PPP1R14D: variants seen among roughly 807,000 people sequenced by gnomAD.
PPP1R14D encodes protein phosphatase 1 regulatory subunit 14D.
A neutral mutation model predicts 17.1 loss-of-function variants in PPP1R14D; 14 were observed. The observed-to-expected ratio is 0.82, with a 90% CI of 0.54 to 1.28. The LOEUF (loss-of-function observed/expected upper bound fraction) is 1.28. PPP1R14D is among the 50% of genes most tolerant of loss of function. The pLI is 0.00. For synonymous variants in PPP1R14D, 67 were observed against 66.1 expected, an observed-to-expected ratio of 1.01 and a Z score of -0.06; for missense variants, 173 against 179.2, an observed-to-expected ratio of 0.97 and a Z score of 0.20.
intron 1 of PPP1R14D, among the ~76,000 whole-genome samples, chr15:40,820,573 C>T (rs1022602096): frequency 5.3e-5 from 8 of 151,934 alleles, no homozygotes; most frequent in African/African-American, 1.7e-4. Flanking sequence ...AAGAATCAGG[C>T]CAGGTACAGT....
rs1566844969 is a variant in PPP1R14D, at chr15:40,828,418, C to G, written c.224G>C (p.Trp75Ser). ...GAGCTCCTGAACTTGAGCATCCACCCATTGCTCCATCTCCAGCCAGCGCTG... is the reference window on the plus strand; with the variant it reads ...GAGCTCCTGAACTTGAGCATCCACCGATTGCTCCATCTCCAGCCAGCGCTG... Reference protein sequence around the residue: ...QLQRWLEMEQWVDAQVQELFQ... With the variant: ...QLQRWLEMEQSVDAQVQELFQ... Residue 75 changes from tryptophan to serine, a missense_variant, in exon 1 of 4, where the codon TGG (tryptophan) becomes TCG (serine). Coordinates refer to ENST00000299174, the MANE Select transcript of PPP1R14D (RefSeq NM_017726.8). 2.5e-6 allele frequency: 4 copies of G among 1,611,010 alleles called. No individual in the cohort carries two copies. Among genetic ancestry groups the G allele is most frequent in the Non-Finnish European group, 3.4e-6 (4 of 1,178,534 alleles).
At chr15:40,826,604 A>C (rs918100178) in intron 1 of PPP1R14D, among the ~76,000 whole-genome samples, 1 of 152,204 alleles carries the variant, frequency 6.6e-6, no homozygotes, top group Admixed American at 6.5e-5. Flanking sequence ...CCTGGTCCCA[A>C]GGTTTCCTAG....
At position 40,815,534 on chromosome 15, in the gene PPP1R14D, CAG is replaced by C; in HGVS notation, c.*160_*161del. The C allele has an allele frequency of 1.1e-6, 1 of 919,034 alleles. No individual in the cohort carries two copies. The highest frequency in any genetic ancestry group is 2.7e-5 in the East Asian group (1 of 36,372). 56.9% of individuals were successfully genotyped at this position (919,034 alleles called of 1,614,324 possible). On this transcript the variant is annotated 3_prime_UTR_variant, in exon 4 of 4. Coordinates refer to ENST00000299174, the MANE Select transcript of PPP1R14D (RefSeq NM_017726.8). ...GCTTTCTCCCAGAGAGCCCAGCTGA[CAG>C]AAACTAGCTGTGACCACACAGACAG...
chr15:40,816,205 C>T lies in PPP1R14D; in HGVS notation c.304G>A (p.Asp102Asn). 3 of 1,614,134 alleles carry T rather than the reference C, an allele frequency of 1.9e-6. No individual in the cohort carries two copies. Among genetic ancestry groups the T allele is most frequent in the Non-Finnish European group, 2.5e-6 (3 of 1,180,028 alleles). Residue 102 changes from aspartate (D) to asparagine (N), a missense_variant, in exon 2 of 4, where the codon GAT (aspartate) becomes AAT (asparagine). Asp to Asn is a conservative substitution (Grantham distance 23, BLOSUM62 1). Transcript: ENST00000299174. Reference protein sequence around the residue: ...EPEIDLEALMDLSTEEQKTQL... With the variant: ...EPEIDLEALMNLSTEEQKTQL... ...GTCTTCTGCTCCTCTGTGGATAGAT[C>T]CATGAGAGCTTCCAGGTCAATCTCA...
intron 1 of PPP1R14D, among the ~76,000 whole-genome samples, chr15:40,822,312 T>G (rs924959616): frequency 1.3e-5 from 2 of 151,202 alleles, no homozygotes; most frequent in Non-Finnish European, 2.9e-5. Flanking sequence ...TAGTGAGACC[T>G]TGCCTCTAAA....
At chr15:40,823,787 C>T (rs1186346689) in intron 1 of PPP1R14D, among the ~76,000 whole-genome samples, 3 of 151,970 alleles carry the variant, frequency 2.0e-5, no homozygotes, top group African/African-American at 7.3e-5. Context: ...AATTGCTTAA[C>T]AATGTAGCAT....
intron 1 of PPP1R14D, among the ~76,000 whole-genome samples, chr15:40,816,718 G>A (rs183247038): frequency 7.3e-5 from 11 of 151,042 alleles, no homozygotes; most frequent in East Asian, 2.0e-4. Flanking sequence ...AGACTTCGTC[G>A]CAAAAAAAAT....
intron 1 of PPP1R14D, chr15:40,817,352 CA>C (rs578000701): frequency 0.15 from 9,328 of 60,928 alleles, 415 homozygotes; most frequent in African/African-American, 0.32. Flanking sequence ...AAGACTCTGT[CA>C]AAAAAAAAAA....
intron 1 of PPP1R14D, among the ~76,000 whole-genome samples, chr15:40,820,040 ATTTT>A (rs1456041253): frequency 2.7e-5 from 4 of 147,166 alleles, no homozygotes; most frequent in Admixed American, 6.8e-5. Flanking sequence ...CTAATTTTGT[ATTTT>A]TAGTAGAGAT....
chr15:40,827,417 A>G (rs1401131065), intron 1 of PPP1R14D, among the ~76,000 whole-genome samples: 1 of 152,166 alleles, frequency 6.6e-6, no homozygotes, highest in Non-Finnish European at 1.5e-5. Context: ...CTGAGGCAGG[A>G]GAATCGCTTG....
intron 1 of PPP1R14D, among the ~76,000 whole-genome samples, chr15:40,823,789 ATGTAG>A (rs1366371208): frequency 2.4e-4 from 36 of 152,242 alleles, no homozygotes; most frequent in African/African-American, 7.9e-4. Flanking sequence ...TTGCTTAACA[ATGTAG>A]CATTTCACAG....
At position 40,828,401 on chromosome 15, in the gene PPP1R14D, G is replaced by A; in HGVS notation, c.241C>T (p.Gln81Ter). 1.2e-6 allele frequency: 2 copies of A among 1,603,914 alleles called. No individual in the cohort carries two copies. The highest frequency in any genetic ancestry group is 1.7e-5 in the Admixed American group (1 of 58,804). The stretch of plus-strand genomic sequence containing the variant: ...GTGCTACCTACCTGGAAGAGCTCCT[G>A]AACTTGAGCATCCACCCATTGCTCC... Reference protein sequence around the residue: ...EMEQWVDAQVQELFQDQATPS... With the variant: ...EMEQWVDAQV Residue 81 changes from glutamine (Q) to a stop codon, truncating the protein, a stop_gained, in exon 1 of 4, where the codon CAG (glutamine) becomes TAG (stop). Coordinates refer to ENST00000299174, the MANE Select transcript of PPP1R14D (RefSeq NM_017726.8). LOFTEE classifies it high-confidence loss of function.
At chr15:40,824,016 A>G (rs2141988796) in intron 1 of PPP1R14D, among the ~76,000 whole-genome samples, 1 of 149,714 alleles carries the variant, frequency 6.7e-6, no homozygotes, top group South Asian at 2.1e-4. Flanking sequence ...AAAAAAAAGG[A>G]CTACTACGGC....
At chr15:40,828,004 C>T (rs1478109730) in intron 1 of PPP1R14D, among the ~76,000 whole-genome samples, 1 of 151,996 alleles carries the variant, frequency 6.6e-6, no homozygotes, top group Non-Finnish European at 1.5e-5. Flanking sequence ...AATGTAGCTC[C>T]GGACATGTAT....
intron 1 of PPP1R14D, among the ~76,000 whole-genome samples, chr15:40,819,359 C>A (rs2081867992): frequency 6.6e-6 from 1 of 152,038 alleles, no homozygotes; most frequent in Non-Finnish European, 1.5e-5. Flanking sequence ...ACCAGCCTGG[C>A]CAACTTGGTG....
rs756381541 is a variant in PPP1R14D, at chr15:40,828,612, T to C, written c.30A>G (p.Thr10=). The change falls in exon 1 of 4, where the codon ACA becomes ACG. Residue 10 remains threonine (T), a synonymous_variant. Transcript: ENST00000299174. The part of the protein sequence containing the change: MLSSSPASC[T]SPSPDGENPC... ...GGTTCTCCCCATCTGGGCTGGGAGA[T>C]GTGCAGGAAGCAGGGCTTGAAGACA... The C allele has an allele frequency of 5.6e-6, 9 of 1,613,420 alleles. No homozygotes were observed. The highest frequency in any genetic ancestry group is 7.6e-6 in the Non-Finnish European group (9 of 1,179,712).
chr15:40,817,415 C>T (rs1209786389), intron 1 of PPP1R14D: 3 of 150,778 alleles, frequency 2.0e-5, no homozygotes, highest in Non-Finnish European at 1.5e-5. Flanking sequence ...GAAAAATGGA[C>T]AACAGATATG....
intron 2 of PPP1R14D, 34 bp downstream of exon 2, chr15:40,816,136 C>T (rs1396570289): frequency 3.1e-6 from 5 of 1,610,040 alleles, no homozygotes; most frequent in East Asian, 4.5e-5. Flanking sequence ...TGGGTTCCCA[C>T]TGACCCAAGG....
chr15:40,821,443 GA>G lies in PPP1R14D; in HGVS notation c.256-5191del, dbSNP rs570401926. On this transcript the variant is annotated intron_variant, in intron 1 of 3. Transcript: ENST00000299174. Reference sequence around the variant, plus strand: ...TTAACAGCATGTTTAACACTGTGGGGAAAAAAAAAAGGTCAGTTGAAGATAT... The same window carrying G: ...TTAACAGCATGTTTAACACTGTGGGGAAAAAAAAAGGTCAGTTGAAGATAT... Among the ~76,000 whole-genome samples, 474 of 146,626 alleles carry G rather than the reference GA, an allele frequency of 3.2e-3. 3 individuals are homozygous for G. The highest frequency in any genetic ancestry group is 0.01 in the Middle Eastern group (3 of 292).
Sources: allele counts gnomAD v4.1 joint callset (sites outside exome capture counted in the v4.1 genomes callset), GRCh38; gene constraint gnomAD v4.1.1; transcripts MANE v1.5; gene names NCBI Gene and HGNC (gene_info 2026-07-23, HGNC 2026-07-21).